The following HGD variants were observed in gnomAD, a reference collection of about 807,000 sequenced individuals.
HGD encodes the protein homogentisate 1,2-dioxygenase, also known as homogentisate oxidase.
In HGD, 61 loss-of-function variants were observed where a neutral mutation model predicts 60.8. That is an observed-to-expected ratio of 1.00 (90% CI 0.82 to 1.24). The LOEUF is 1.24. Among genes scored for constraint, HGD ranks in the 50% most tolerant of loss-of-function variants. The probability of loss-of-function intolerance (pLI) is 0.00; values close to 1 mark genes in which losing one functional copy is unlikely to be tolerated. For synonymous variants in HGD, 212 were observed against 187.7 expected (o/e 1.13, Z -1.06); for missense variants, 542 against 547.1 (o/e 0.99, Z 0.09).
chr3:120,650,773 C>T lies in HGD; in HGVS notation c.434+1G>A. The T allele has an allele frequency of 6.2e-7, 1 of 1,611,188 alleles. No homozygotes were observed. Among genetic ancestry groups the T allele is most frequent in the Non-Finnish European group, 8.5e-7 (1 of 1,177,256 alleles). The stretch of plus-strand genomic sequence containing the variant: ...TCCTTCCCTAGAACTGAGCCACTTA[C>T]CTGTTCTCCATGGAGGTATTGCAGA... On this transcript the variant is annotated splice_donor_variant, in intron 6 of 13. Coordinates refer to ENST00000283871, the MANE Select transcript of HGD (RefSeq NM_000187.4). LOFTEE classifies it high-confidence loss of function.
intron 4 of HGD, among the ~76,000 whole-genome samples, chr3:120,656,160 G>A (rs1941489505): frequency 2.6e-5 from 4 of 152,128 alleles, no homozygotes; most frequent in Admixed American, 6.5e-5. Context: ...CAGTAAGAAG[G>A]ACTGTCTTTA....
intron 8 of HGD, 36 bp downstream of exon 8, chr3:120,646,937 T>C: frequency 6.6e-7 from 1 of 1,519,112 alleles, no homozygotes; most frequent in Non-Finnish European, 9.1e-7. Flanking sequence ...CCCAAATTAG[T>C]GAGAGGCAGG....
At chr3:120,677,931 C>G (rs944399605) in intron 1 of HGD, 1 of 152,190 alleles carries the variant, frequency 6.6e-6, no homozygotes, top group African/African-American at 2.4e-5. Flanking sequence ...TTCCCTGATA[C>G]TCAGTGGCGT....
chr3:120,659,750 C>T (rs1941602915), intron 4 of HGD, among the ~76,000 whole-genome samples: 2 of 152,110 alleles, frequency 1.3e-5, no homozygotes, highest in African/African-American at 2.4e-5. Context: ...TTCGTTCTTG[C>T]ACTGCTATAA....
chr3:120,670,508 T>A lies in HGD; in HGVS notation c.201A>T (p.Ser67=), dbSNP rs1559800104. The A allele has an allele frequency of 6.2e-7, 1 of 1,605,820 alleles. No individual in the cohort carries two copies. Among genetic ancestry groups the A allele is most frequent in the Admixed American group, 1.7e-5 (1 of 59,952 alleles). ...KRSWLYRILP[S]VSHKPFESID... is the part of the protein sequence containing the mutation. ...TGGATTCAAAGGGCTTGTGAGAAAC[T>A]GAAGGTAGAATCCTATACAGCCAGC... The change falls in exon 4 of 14, where the codon TCA becomes TCT. Residue 67 remains serine (S), a synonymous_variant. Coordinates refer to ENST00000283871, the MANE Select transcript of HGD (RefSeq NM_000187.4).
rs768059703 is a variant in HGD, at chr3:120,650,859, G to T, written c.349C>A (p.His117Asn). ...ATGTCTCCAGCTCCACACAAGGTATGCAGGCCCTGGGAGAGACCCACAGAA... is the reference window on the plus strand; with the variant it reads ...ATGTCTCCAGCTCCACACAAGGTATTCAGGCCCTGGGAGAGACCCACAGAA... ...QKKVDFVSGL[H>N]TLCGAGDIKS... Residue 117 changes from histidine to asparagine, a missense_variant, in exon 6 of 14, where the codon CAT becomes AAT. Around this residue, in one of 2 missense-constraint regions of HGD, gnomAD observed 537 missense variants for 529.1 expected, o/e 1.01. Transcript: ENST00000283871. 6.2e-7 allele frequency: 1 copy of T among 1,613,398 alleles called. No individual in the cohort carries two copies. The highest frequency in any genetic ancestry group is 1.7e-5 in the Admixed American group (1 of 60,024).
intron 4 of HGD, among the ~76,000 whole-genome samples, chr3:120,658,200 C>T (rs1241573111): frequency 6.6e-6 from 1 of 152,180 alleles, no homozygotes; most frequent in Admixed American, 6.5e-5. Context: ...AAAGTCTCAT[C>T]TGAGACAAGT....
At position 120,644,427 on chromosome 3, in the gene HGD, G is replaced by A; in HGVS notation, c.666C>T (p.Ala222=). 6.2e-7 allele frequency: 1 copy of A among 1,614,060 alleles called. No individual in the cohort carries two copies. Among genetic ancestry groups the A allele is most frequent in the Non-Finnish European group, 8.5e-7 (1 of 1,179,996 alleles). Residue 222 remains alanine (A), a synonymous_variant, in exon 10 of 14, where the codon GCC becomes GCT. Transcript: ENST00000283871. ...TGGGTATCAAGAAATCACGAGGATT[G>A]GCCAAGCCATTGGCCCCTAGAAAAC... ...DLGPIGANGL[A]NPRDFLIPIA... is the part of the protein sequence containing the mutation.
chr3:120,672,016 TA>T (rs919391322), intron 3 of HGD, among the ~76,000 whole-genome samples: 1 of 151,866 alleles, frequency 6.6e-6, no homozygotes, highest in East Asian at 1.9e-4. Flanking sequence ...GGGAGAGCAT[TA>T]AAAAAATGGC....
chr3:120,656,563 T>TTG (rs1553719050), intron 4 of HGD, among the ~76,000 whole-genome samples: 3 of 148,894 alleles, frequency 2.0e-5, no homozygotes, highest in East Asian at 2.0e-4. Flanking sequence ...ATCTTTTTTT[T>TTG]GGGGGGGGGT....
intron 1 of HGD, among the ~76,000 whole-genome samples, chr3:120,676,474 G>A (rs1424442854): frequency 6.6e-6 from 1 of 152,120 alleles, no homozygotes; most frequent in African/African-American, 2.4e-5. Flanking sequence ...TCTCAACCAG[G>A]TAAGTCATGG....
rs911722050 is a variant in HGD, at chr3:120,633,024, A to G, written c.1188+123T>C. The G allele has an allele frequency of 1.1e-5, 9 of 801,208 alleles. No individual in the cohort carries two copies. The African/African-American group carries it at 1.2e-4, about 11-fold the overall frequency. 49.6% of individuals were successfully genotyped at this position (801,208 alleles called of 1,614,324 possible). ...TATATACATGTAAACATACTTATGCAGTCATTAACTCTCCCTCTTTTGACT... is the reference window on the plus strand; with the variant it reads ...TATATACATGTAAACATACTTATGCGGTCATTAACTCTCCCTCTTTTGACT... On this transcript the variant is annotated intron_variant, in intron 13 of 13. Coordinates refer to ENST00000283871, the MANE Select transcript of HGD (RefSeq NM_000187.4).
chr3:120,656,215 G>A (rs550989332), intron 4 of HGD, among the ~76,000 whole-genome samples: 30 of 152,154 alleles, frequency 2.0e-4, no homozygotes, highest in Non-Finnish European at 1.9e-4. Context: ...CTAACACCTC[G>A]GACTTGGACT....
intron 12 of HGD, among the ~76,000 whole-genome samples, chr3:120,636,099 C>T (rs139450817): frequency 1.5e-3 from 212 of 138,922 alleles, no homozygotes; most frequent in African/African-American, 5.6e-3. Context: ...GGCAAGACCC[C>T]GTCTGTACTA....
At chr3:120,650,465 T>G (rs1941303402) in intron 6 of HGD, among the ~76,000 whole-genome samples, 1 of 152,270 alleles carries the variant, frequency 6.6e-6, no homozygotes, top group Non-Finnish European at 1.5e-5. Flanking sequence ...ATATTTGGAC[T>G]CAGACTTAAA....
In HGD at chr3:120,682,153, C is replaced by A. The variant is rs778619933; in HGVS notation, c.-42G>T. The A allele has an allele frequency of 4.4e-6, 7 of 1,604,540 alleles. No homozygotes were observed. Among genetic ancestry groups the A allele is most frequent in the Non-Finnish European group, 5.1e-6 (6 of 1,171,292 alleles). ...GTGTGGTGACTTCAGGAAACCCAGG[C>A]CCAGAGGATATAAAGCCACAATGCT... is the stretch of plus-strand genomic sequence containing the variant. On this transcript the variant is annotated 5_prime_UTR_variant, in exon 1 of 14. Transcript: ENST00000283871.
chr3:120,681,603 A>G (rs549343441), intron 1 of HGD, among the ~76,000 whole-genome samples: 39 of 152,212 alleles, frequency 2.6e-4, no homozygotes, highest in Non-Finnish European at 4.1e-4. Context: ...CATAACCCAC[A>G]CATACTTTTC....
intron 3 of HGD, 111 bp from the exon 4 acceptor site, chr3:120,670,643 T>C (rs763805362): frequency 1.5e-5 from 11 of 757,380 alleles, no homozygotes; most frequent in Non-Finnish European, 2.4e-5. Flanking sequence ...CAACGACCTG[T>C]AGGCTCTAAT....
At chr3:120,648,886 G>GACA (rs771519173) in intron 6 of HGD, among the ~76,000 whole-genome samples, 6 of 152,064 alleles carry the variant, frequency 3.9e-5, no homozygotes, top group Non-Finnish European at 7.4e-5. Flanking sequence ...TTGGCACCTG[G>GACA]ACACATTGGG....
Sources: allele counts gnomAD v4.1 joint callset (sites outside exome capture counted in the v4.1 genomes callset), GRCh38; gene constraint gnomAD v4.1.1; regional missense constraint gnomAD v4.1.1; transcripts MANE v1.5; gene names NCBI Gene and HGNC (gene_info 2026-07-23, HGNC 2026-07-21).